The following ST6GALNAC3 variants were observed in gnomAD, a reference collection of about 807,000 sequenced individuals.
ST6GALNAC3 encodes alpha-N-acetylgalactosaminide alpha-2,6-sialyltransferase 3.
ST6GALNAC3 carries 25 observed loss-of-function variants against 32.7 expected under a neutral mutation model. The ratio of observed to expected loss-of-function variants is 0.76; its 90% CI spans 0.56 to 1.07. ST6GALNAC3 has a LOEUF of 1.07. ST6GALNAC3 is among the 50% of genes least tolerant of loss of function. ST6GALNAC3 has a pLI of 0.00. For synonymous variants in ST6GALNAC3, 129 were observed against 133.1 expected, an observed-to-expected ratio of 0.97 and a Z score of 0.21; for missense variants, 355 against 382.4, an observed-to-expected ratio of 0.93 and a Z score of 0.60.
intron 1 of ST6GALNAC3, among the ~76,000 whole-genome samples, chr1:76,275,824 G>T (rs959400793): frequency 6.6e-6 from 1 of 152,052 alleles, no homozygotes; most frequent in Non-Finnish European, 1.5e-5. Flanking sequence ...TACTTGTCTT[G>T]TAAGAGCATT....
chr1:76,393,046 C>T (rs1652686334), intron 2 of ST6GALNAC3, among the ~76,000 whole-genome samples: 1 of 152,154 alleles, frequency 6.6e-6, no homozygotes, highest in Admixed American at 6.5e-5. Flanking sequence ...ATCCCCAAAC[C>T]CCTACCAATT....
intron 3 of ST6GALNAC3, among the ~76,000 whole-genome samples, chr1:76,567,782 A>G (rs945639072): frequency 6.6e-6 from 1 of 152,060 alleles, no homozygotes; most frequent in East Asian, 1.9e-4. Context: ...GCCCATCCAG[A>G]GTGGGTTTGG....
At chr1:76,184,139 C>A (rs955305020) in intron 1 of ST6GALNAC3, among the ~76,000 whole-genome samples, 2 of 151,914 alleles carry the variant, frequency 1.3e-5, no homozygotes, top group Non-Finnish European at 2.9e-5. Flanking sequence ...TTATTGATTA[C>A]CCCTTATGTG....
chr1:76,096,875 T>C (rs1647140743), intron 1 of ST6GALNAC3, among the ~76,000 whole-genome samples: 1 of 151,836 alleles, frequency 6.6e-6, no homozygotes, highest in Admixed American at 6.6e-5. Flanking sequence ...CACTCTAGTT[T>C]AGTTTTGTTT....
intron 1 of ST6GALNAC3, among the ~76,000 whole-genome samples, chr1:76,082,783 A>G (rs369645778): frequency 8.6e-5 from 13 of 151,928 alleles, no homozygotes; most frequent in African/African-American, 3.1e-4. Context: ...GGCCAACAAC[A>G]TCTGGTACTT....
intron 3 of ST6GALNAC3, among the ~76,000 whole-genome samples, chr1:76,524,978 G>A (rs554992454): frequency 6.6e-6 from 1 of 151,868 alleles, no homozygotes; most frequent in Non-Finnish European, 1.5e-5. Context: ...GGAAATTGAA[G>A]AGAAATATTA....
chr1:76,192,202 T>A (rs1044694422), intron 1 of ST6GALNAC3, among the ~76,000 whole-genome samples: 2 of 152,210 alleles, frequency 1.3e-5, no homozygotes, highest in Non-Finnish European at 2.9e-5. Flanking sequence ...ACTGTATTGG[T>A]ACTTTCTTTT....
intron 1 of ST6GALNAC3, among the ~76,000 whole-genome samples, chr1:76,182,922 C>T (rs1459752467): frequency 6.6e-6 from 1 of 151,996 alleles, no homozygotes; most frequent in Non-Finnish European, 1.5e-5. Flanking sequence ...TTTGACTTGC[C>T]ACTTATTTTA....
intron 3 of ST6GALNAC3, among the ~76,000 whole-genome samples, chr1:76,552,696 TTCTG>T (rs1664706946): frequency 6.6e-6 from 1 of 152,212 alleles, no homozygotes; most frequent in East Asian, 1.9e-4. Context: ...ATAGCTTTGT[TTCTG>T]TCTTTCTAAT....
intron 1 of ST6GALNAC3, among the ~76,000 whole-genome samples, chr1:76,184,439 C>T (rs1019647669): frequency 2.0e-5 from 3 of 150,940 alleles, no homozygotes; most frequent in East Asian, 2.0e-4. Flanking sequence ...CTTGGGAGGC[C>T]GAGGCAGGAG....
chr1:76,457,738 C>A (rs1234849736), intron 3 of ST6GALNAC3, among the ~76,000 whole-genome samples: 3 of 152,062 alleles, frequency 2.0e-5, no homozygotes, highest in Admixed American at 6.6e-5. Context: ...TTAATTCAAG[C>A]TGGATTAAAG....
At chr1:76,504,965 C>T (rs531705261) in intron 3 of ST6GALNAC3, among the ~76,000 whole-genome samples, 55 of 152,152 alleles carry the variant, frequency 3.6e-4, no homozygotes, top group Non-Finnish European at 4.0e-4. Flanking sequence ...GGTAATTTCA[C>T]ACTTGAAACT....
At chr1:76,134,793 C>T (rs1170265122) in intron 1 of ST6GALNAC3, among the ~76,000 whole-genome samples, 6 of 152,290 alleles carry the variant, frequency 3.9e-5, no homozygotes, top group East Asian at 1.9e-4. Context: ...CTTTCAAGAA[C>T]GCTCAGGCTA....
intron 3 of ST6GALNAC3, among the ~76,000 whole-genome samples, chr1:76,595,525 C>A (rs754588479): frequency 2.0e-5 from 3 of 152,108 alleles, no homozygotes; most frequent in Admixed American, 1.3e-4. Context: ...TAAGCTTAAT[C>A]GATTGCACAC....
intron 1 of ST6GALNAC3, among the ~76,000 whole-genome samples, chr1:76,101,266 G>A (rs1452298536): frequency 6.6e-6 from 1 of 152,122 alleles, no homozygotes; most frequent in Non-Finnish European, 1.5e-5. Flanking sequence ...AGAGTATGTA[G>A]CCTTTTCACA....
At chr1:76,149,542 A>C (rs1650907531) in intron 1 of ST6GALNAC3, among the ~76,000 whole-genome samples, 1 of 152,218 alleles carries the variant, frequency 6.6e-6, no homozygotes. Flanking sequence ...ATATATATGC[A>C]TTATGAAATG....
In ST6GALNAC3 at chr1:76,133,203, T is replaced by C. The variant is rs181707611; in HGVS notation, c.18+58319T>C. 1.7e-3 allele frequency among the ~76,000 whole-genome samples: 264 copies of C among 152,280 alleles called. 2 individuals carry two copies. The highest frequency in any genetic ancestry group is 6.2e-3 in the African/African-American group (256 of 41,558). On this transcript the variant is annotated intron_variant, in intron 1 of 4. Transcript: ENST00000328299. ...GGGACTCTCCTGGCCTCTGCCCACA[T>C]CTATTCTTTAATTTCCTTATCTTGC...
intron 1 of ST6GALNAC3, among the ~76,000 whole-genome samples, chr1:76,086,360 T>C (rs1415932547): frequency 6.6e-6 from 1 of 152,044 alleles, no homozygotes; most frequent in African/African-American, 2.4e-5. Context: ...AAGACGATAG[T>C]TTTTTTTCGT....
At chr1:76,369,956 T>C (rs1314863046) in intron 2 of ST6GALNAC3, among the ~76,000 whole-genome samples, 1 of 152,242 alleles carries the variant, frequency 6.6e-6, no homozygotes. Flanking sequence ...AGGATGTTCT[T>C]ATTCACTAAG....
Sources: gnomAD v4.1 joint callset for allele counts (sites outside exome capture counted in the v4.1 genomes callset) on GRCh38, gnomAD v4.1.1 for gene constraint, MANE v1.5 for transcripts, NCBI Gene and HGNC (gene_info 2026-07-23, HGNC 2026-07-21) for gene names.